Variants in GRM8 observed in about 807,000 individuals in gnomAD.
GRM8 encodes glutamate metabotropic receptor 8.
GRM8 carries 47 observed loss-of-function variants against 87.2 expected under a neutral mutation model. The ratio of observed to expected loss-of-function variants is 0.54; its 90% CI spans 0.43 to 0.69. GRM8 has a LOEUF of 0.69. GRM8 is among the 30% of genes least tolerant of loss of function. GRM8 has a pLI of 0.00. For synonymous variants in GRM8, 396 were observed against 404.5 expected (o/e 0.98, Z 0.25); for missense variants, 1,019 against 1,139.2 (o/e 0.89, Z 1.52).
At chr7:127,121,847 A>T (rs1563527492) in intron 2 of GRM8, among the ~76,000 whole-genome samples, 1 of 152,232 alleles carries the variant, frequency 6.6e-6, no homozygotes, top group Non-Finnish European at 1.5e-5. Context: ...ACCAGTCCCC[A>T]CCTTCAACAC....
At chr7:126,554,169 C>T (rs1478503172) in intron 8 of GRM8, among the ~76,000 whole-genome samples, 2 of 151,954 alleles carry the variant, frequency 1.3e-5, no homozygotes, top group South Asian at 2.1e-4. Context: ...GAAAATGGCA[C>T]ATCTTTAATT....
At chr7:126,691,504 G>C (rs1455704824) in intron 7 of GRM8, among the ~76,000 whole-genome samples, 1 of 152,114 alleles carries the variant, frequency 6.6e-6, no homozygotes, top group Non-Finnish European at 1.5e-5. Flanking sequence ...ACTTGGAAGG[G>C]GGCAGGGCTT....
intron 9 of GRM8, among the ~76,000 whole-genome samples, chr7:126,486,843 T>G (rs1355485622): frequency 6.6e-6 from 1 of 152,074 alleles, no homozygotes; most frequent in Admixed American, 6.6e-5. Context: ...ACTGAAGGGC[T>G]TACAAAGATT....
intron 7 of GRM8, among the ~76,000 whole-genome samples, chr7:126,612,071 C>T (rs1798967824): frequency 6.6e-6 from 1 of 152,144 alleles, no homozygotes; most frequent in Admixed American, 6.6e-5. Context: ...CCCTATATCT[C>T]ACATTTCTCA....
At chr7:126,937,078 T>C (rs1413228774) in intron 3 of GRM8, among the ~76,000 whole-genome samples, 1 of 152,144 alleles carries the variant, frequency 6.6e-6, no homozygotes, top group African/African-American at 2.4e-5. Flanking sequence ...GCCAACTTTT[T>C]CTGTTCCCCA....
chr7:126,666,541 A>G (rs1265607893), intron 7 of GRM8, among the ~76,000 whole-genome samples: 1 of 152,198 alleles, frequency 6.6e-6, no homozygotes, highest in Non-Finnish European at 1.5e-5. Context: ...TATCAACATT[A>G]AGAGGCTGAT....
intron 3 of GRM8, among the ~76,000 whole-genome samples, chr7:127,000,615 T>C (rs1813633359): frequency 6.6e-6 from 1 of 151,718 alleles, no homozygotes; most frequent in Non-Finnish European, 1.5e-5. Flanking sequence ...ATTGTATGAT[T>C]CCACTTATAT....
intron 7 of GRM8, among the ~76,000 whole-genome samples, chr7:126,689,066 CTCT>C (rs576214962): frequency 6.1e-4 from 93 of 152,280 alleles, no homozygotes; most frequent in African/African-American, 1.9e-3. Context: ...TCTGCAGAGT[CTCT>C]TCTTCTTGCT....
intron 2 of GRM8, among the ~76,000 whole-genome samples, chr7:127,237,470 A>G (rs752551562): frequency 1.9e-4 from 29 of 152,236 alleles, no homozygotes; most frequent in Non-Finnish European, 4.0e-4. Flanking sequence ...AGTGGTTGCT[A>G]CAATTGGTGG....
intron 8 of GRM8, among the ~76,000 whole-genome samples, chr7:126,566,997 T>A (rs891567897): frequency 6.6e-6 from 1 of 152,108 alleles, no homozygotes; most frequent in Non-Finnish European, 1.5e-5. Context: ...GAAGTTAAGT[T>A]TAGAATGGTG....
chr7:127,092,704 C>A (rs565723552), intron 3 of GRM8, among the ~76,000 whole-genome samples: 3 of 152,068 alleles, frequency 2.0e-5, no homozygotes, highest in Non-Finnish European at 4.4e-5. Context: ...GAGACTCTGT[C>A]TCAGGGGGAA....
intron 2 of GRM8, among the ~76,000 whole-genome samples, chr7:127,207,054 G>A (rs896449299): frequency 1.3e-5 from 2 of 152,266 alleles, no homozygotes; most frequent in African/African-American, 4.8e-5. Flanking sequence ...TGATTCCCCA[G>A]GTTTCTGGCT....
intron 6 of GRM8, among the ~76,000 whole-genome samples, chr7:126,825,218 C>A (rs1794650952): frequency 6.6e-6 from 1 of 152,040 alleles, no homozygotes; most frequent in Admixed American, 6.5e-5. Flanking sequence ...AAATGCACAC[C>A]ACCATGCCTG....
intron 2 of GRM8, among the ~76,000 whole-genome samples, chr7:127,114,433 G>A (rs1056993149): frequency 2.6e-5 from 4 of 152,164 alleles, no homozygotes; most frequent in African/African-American, 9.7e-5. Context: ...CTGCACAAAA[G>A]GGGCCTGTGG....
intron 3 of GRM8, among the ~76,000 whole-genome samples, chr7:127,026,266 G>A (rs761301412): frequency 7.9e-5 from 12 of 152,250 alleles, no homozygotes; most frequent in Non-Finnish European, 1.6e-4. Context: ...CATTTGGGTT[G>A]GTTCCAAGTC....
intron 2 of GRM8, among the ~76,000 whole-genome samples, chr7:127,170,240 C>T (rs930206622): frequency 3.3e-5 from 5 of 152,116 alleles, no homozygotes; most frequent in East Asian, 1.9e-4. Context: ...AAAAAATGCC[C>T]CACCCACATC....
intron 8 of GRM8, among the ~76,000 whole-genome samples, chr7:126,604,714 C>T (rs896234222): frequency 3.9e-5 from 6 of 152,104 alleles, no homozygotes; most frequent in African/African-American, 1.4e-4. Context: ...TTCTTGATCA[C>T]CATATTACAA....
intron 7 of GRM8, among the ~76,000 whole-genome samples, chr7:126,616,850 C>G (rs1799552857): frequency 6.6e-6 from 1 of 152,128 alleles, no homozygotes; most frequent in African/African-American, 2.4e-5. Flanking sequence ...CCTGAACAGA[C>G]CAATAACAGG....
intron 6 of GRM8, among the ~76,000 whole-genome samples, chr7:126,812,884 C>T (rs1308483703): frequency 6.6e-6 from 1 of 152,010 alleles, no homozygotes; most frequent in East Asian, 1.9e-4. Context: ...CTGGAACTTC[C>T]ATCAAAAACA....
Sources: allele counts gnomAD v4.1 joint callset (sites outside exome capture counted in the v4.1 genomes callset), GRCh38; gene constraint gnomAD v4.1.1; transcripts MANE v1.5; gene names NCBI Gene and HGNC (gene_info 2026-07-23, HGNC 2026-07-21).